The following SLCO1C1 variants were observed in gnomAD, a reference collection of about 807,000 sequenced individuals.
SLCO1C1 encodes solute carrier organic anion transporter family member 1C1, also known as OAT-RP-5.
Under a neutral mutation model 76.4 loss-of-function variants are expected in SLCO1C1, and 70 were observed. That is an observed-to-expected ratio of 0.92 (90% CI 0.76 to 1.12). The LOEUF (loss-of-function observed/expected upper bound fraction) is 1.12, where lower values mean the gene tolerates loss of function less well. SLCO1C1 is among the 50% of genes most tolerant of loss of function. The pLI is 0.00. For synonymous variants in SLCO1C1, 306 were observed against 286.1 expected (o/e 1.07, Z -0.70); for missense variants, 912 against 823.8 (o/e 1.11, Z -1.31).
intron 12 of SLCO1C1, among the ~76,000 whole-genome samples, chr12:20,742,138 G>A (rs1948842709): frequency 6.6e-6 from 1 of 152,156 alleles, no homozygotes; most frequent in Admixed American, 6.5e-5. Context: ...GGCAGCCTGA[G>A]TTTGACAAAA....
At chr12:20,726,439 G>C (rs1020104172) in intron 9 of SLCO1C1, among the ~76,000 whole-genome samples, 2 of 151,960 alleles carry the variant, frequency 1.3e-5, no homozygotes, top group Non-Finnish European at 2.9e-5. Flanking sequence ...TAGTCTTCCT[G>C]TACATGTTTT....
chr12:20,749,334 G>C (rs1199001631), intron 13 of SLCO1C1, among the ~76,000 whole-genome samples: 2 of 152,190 alleles, frequency 1.3e-5, no homozygotes, highest in Non-Finnish European at 2.9e-5. Context: ...TGTAGGCAGA[G>C]AGAAAGCTGT....
chr12:20,709,970 TG>T (rs1198936713), intron 4 of SLCO1C1, among the ~76,000 whole-genome samples: 1 of 149,918 alleles, frequency 6.7e-6, no homozygotes, highest in African/African-American at 2.5e-5. Flanking sequence ...TAACCTACTA[TG>T]GTCAAGGAAC....
chr12:20,701,563 T>A, intron 3 of SLCO1C1, 104 bp downstream of exon 3: 3 of 833,944 alleles, frequency 3.6e-6, no homozygotes, highest in South Asian at 4.2e-5. Flanking sequence ...CAGACTCTAT[T>A]CATAAAATCT....
intron 13 of SLCO1C1, among the ~76,000 whole-genome samples, chr12:20,744,909 TA>T (rs1253000149): frequency 1.3e-5 from 2 of 152,156 alleles, no homozygotes; most frequent in Non-Finnish European, 2.9e-5. Flanking sequence ...GAATAAACTG[TA>T]GTACACACAC....
rs766322800 is a variant in SLCO1C1, at chr12:20,701,326, G to C, written c.138G>C (p.Leu46Phe). The C allele has an allele frequency of 9.2e-6, 14 of 1,524,848 alleles. No homozygotes were observed. Among genetic ancestry groups the C allele is most frequent in the Middle Eastern group, 1.8e-4 (1 of 5,692 alleles). 94.5% of individuals were successfully genotyped at this position (1,524,848 alleles called of 1,614,324 possible). ...CCTGTCATATTTTCCAGGTGTTCTT[G>C]TGTGCCTTGTCTTTTGTTTACTTTG... is the stretch of plus-strand genomic sequence containing the variant. Reference protein sequence around the residue: ...QPCCGELKVFLCALSFVYFAK... With the variant: ...QPCCGELKVFFCALSFVYFAK... The change falls in exon 3 of 15, where the codon TTG becomes TTC. Residue 46 changes from leucine (L) to phenylalanine (F), a missense_variant. Transcript: ENST00000266509.
intron 8 of SLCO1C1, among the ~76,000 whole-genome samples, chr12:20,722,466 C>A (rs1947727799): frequency 6.6e-6 from 1 of 152,178 alleles, no homozygotes; most frequent in African/African-American, 2.4e-5. Flanking sequence ...GTTCTGTAGG[C>A]AAAAACCCAG....
chr12:20,739,356 C>T (rs988589785), intron 11 of SLCO1C1, among the ~76,000 whole-genome samples: 14 of 150,440 alleles, frequency 9.3e-5, no homozygotes, highest in Admixed American at 2.0e-4. Context: ...AAAAGACATA[C>T]ATTAGAATAA....
chr12:20,738,310 A>T (rs1330267234), intron 11 of SLCO1C1, among the ~76,000 whole-genome samples: 1 of 151,940 alleles, frequency 6.6e-6, no homozygotes, highest in Non-Finnish European at 1.5e-5. Flanking sequence ...TCCCAAACAG[A>T]CTCTTCCTTA....
At chr12:20,734,253 A>G (rs749548872) in intron 10 of SLCO1C1, among the ~76,000 whole-genome samples, 5 of 152,154 alleles carry the variant, frequency 3.3e-5, no homozygotes, top group Non-Finnish European at 7.3e-5. Flanking sequence ...GCCATCTACA[A>G]TGTTCAGGAA....
At chr12:20,746,703 A>T (rs1286828178) in intron 13 of SLCO1C1, among the ~76,000 whole-genome samples, 7 of 152,198 alleles carry the variant, frequency 4.6e-5, no homozygotes, top group South Asian at 2.1e-4. Context: ...ATCTAACAAG[A>T]TCTAACTACC....
chr12:20,714,226 A>T (rs1039502739), intron 5 of SLCO1C1, among the ~76,000 whole-genome samples: 1 of 152,216 alleles, frequency 6.6e-6, no homozygotes, highest in Non-Finnish European at 1.5e-5. Context: ...ACAGGTAAAG[A>T]TAACTCCTAC....
At chr12:20,708,649 G>A (rs570359920) in intron 4 of SLCO1C1, among the ~76,000 whole-genome samples, 1 of 152,178 alleles carries the variant, frequency 6.6e-6, no homozygotes, top group Non-Finnish European at 1.5e-5. Flanking sequence ...TGAAGGCAAA[G>A]TTTCTTCAGC....
chr12:20,739,213 A>G (rs1948686009), intron 11 of SLCO1C1, among the ~76,000 whole-genome samples: 1 of 152,212 alleles, frequency 6.6e-6, no homozygotes, highest in African/African-American at 2.4e-5. Context: ...ATGAGAGTCT[A>G]TTCCATTCCC....
intron 9 of SLCO1C1, among the ~76,000 whole-genome samples, chr12:20,732,663 G>A (rs907025573): frequency 2.0e-5 from 3 of 152,148 alleles, no homozygotes; most frequent in Non-Finnish European, 4.4e-5. Context: ...AGACCAGAAA[G>A]ATTTATTGAT....
At chr12:20,724,494 G>C (rs1163934508) in intron 9 of SLCO1C1, among the ~76,000 whole-genome samples, 4 of 137,816 alleles carry the variant, frequency 2.9e-5, no homozygotes, top group African/African-American at 1.1e-4. Context: ...CCAGCATCCA[G>C]AACATACAGA....
chr12:20,719,685 T>G (rs532803475), intron 7 of SLCO1C1, among the ~76,000 whole-genome samples: 1 of 152,156 alleles, frequency 6.6e-6, no homozygotes, highest in Non-Finnish European at 1.5e-5. Flanking sequence ...CCTCATTAAT[T>G]CTATAAAGGC....
At chr12:20,698,821 C>A (rs974661768) in intron 1 of SLCO1C1, among the ~76,000 whole-genome samples, 2 of 151,970 alleles carry the variant, frequency 1.3e-5, no homozygotes, top group African/African-American at 4.8e-5. Flanking sequence ...AGTAGGGGCA[C>A]AGGATATGTA....
chr12:20,711,503 A>G lies in SLCO1C1; in HGVS notation c.522A>G (p.Ile174Met), dbSNP rs148310475. ...VSVMEKSKSK[I>M]SNECEVDTSS... is the part of the protein sequence containing the mutation. ...TTATGGAAAAATCAAAATCCAAAAT[A>G]AGTAACGGTAAGATCATTTTTTTGA... is the stretch of plus-strand genomic sequence containing the variant. The change falls in exon 5 of 15, where the codon ATA (isoleucine) becomes ATG (methionine). Residue 174 changes from isoleucine to methionine, a missense_variant. By Grantham distance (10) the Ile-to-Met change is conservative. Coordinates refer to ENST00000266509, the MANE Select transcript of SLCO1C1 (RefSeq NM_017435.5). 16 of 1,613,464 alleles carry G rather than the reference A, an allele frequency of 9.9e-6. No individual in the cohort carries two copies. Among genetic ancestry groups the G allele is most frequent in the Non-Finnish European group, 1.4e-5 (16 of 1,179,798 alleles).
Sources: allele counts gnomAD v4.1 joint callset (sites outside exome capture counted in the v4.1 genomes callset), GRCh38; gene constraint gnomAD v4.1.1; transcripts MANE v1.5; gene names NCBI Gene and HGNC (gene_info 2026-07-23, HGNC 2026-07-21).